Variants in SLC8A1 observed in about 807,000 individuals in gnomAD.
SLC8A1 encodes the protein sodium/calcium exchanger 1.
SLC8A1 carries 18 observed loss-of-function variants against 68.3 expected under a neutral mutation model. The observed-to-expected ratio is 0.26, with a 90% CI of 0.18 to 0.39. The LOEUF is 0.39. Ranked by LOEUF, SLC8A1 falls within the 10% of genes least tolerant of loss-of-function variation. The pLI is 1.00. For synonymous variants in SLC8A1, 475 were observed against 415.5 expected (o/e 1.14, Z -1.74); for missense variants, 985 against 1,156.7 (o/e 0.85, Z 2.15).
intron 2 of SLC8A1, among the ~76,000 whole-genome samples, chr2:40,236,423 C>T (rs899098383): frequency 1.7e-4 from 26 of 152,132 alleles, no homozygotes; most frequent in African/African-American, 5.6e-4. Context: ...GGATTGCAAA[C>T]CCTGCCTTTT....
At chr2:40,373,327 A>G (rs749324536) in intron 2 of SLC8A1, among the ~76,000 whole-genome samples, 1 of 152,108 alleles carries the variant, frequency 6.6e-6, no homozygotes, top group African/African-American at 2.4e-5. Context: ...GCCAGGGTCA[A>G]TCTCAGCAGA....
chr2:40,333,947 C>T (rs1267656638), intron 2 of SLC8A1, among the ~76,000 whole-genome samples: 1 of 152,126 alleles, frequency 6.6e-6, no homozygotes, highest in East Asian at 1.9e-4. Context: ...ACTTGGGAGG[C>T]TGAGGCAGGC....
At chr2:40,375,621 T>A (rs1341013673) in intron 2 of SLC8A1, among the ~76,000 whole-genome samples, 1 of 152,050 alleles carries the variant, frequency 6.6e-6, no homozygotes, top group East Asian at 1.9e-4. Flanking sequence ...AGTCAATTAT[T>A]CTCCTAAAAG....
intron 1 of SLC8A1, among the ~76,000 whole-genome samples, chr2:40,475,388 C>T (rs2149906997): frequency 6.6e-6 from 1 of 152,182 alleles, no homozygotes; most frequent in African/African-American, 2.4e-5. Flanking sequence ...CCGCCTCTGC[C>T]TCCTAAAGTG....
intron 2 of SLC8A1, among the ~76,000 whole-genome samples, chr2:40,228,336 T>G (rs1052010962): frequency 2.2e-4 from 33 of 152,224 alleles, no homozygotes; most frequent in Non-Finnish European, 4.7e-4. Context: ...TTCTTATACT[T>G]AAAGCAGTAT....
intron 2 of SLC8A1, among the ~76,000 whole-genome samples, chr2:40,419,231 G>A (rs1021427863): frequency 6.6e-6 from 1 of 152,156 alleles, no homozygotes; most frequent in Middle Eastern, 3.2e-3. Flanking sequence ...GGATTCCACC[G>A]GCTACTTCTG....
At chr2:40,269,440 C>T (rs2065752003) in intron 2 of SLC8A1, among the ~76,000 whole-genome samples, 1 of 152,142 alleles carries the variant, frequency 6.6e-6, no homozygotes, top group Non-Finnish European at 1.5e-5. Context: ...TAAAAATTCT[C>T]TGAGCAAAGG....
chr2:40,283,000 T>G (rs752240489), intron 2 of SLC8A1, among the ~76,000 whole-genome samples: 1 of 152,202 alleles, frequency 6.6e-6, no homozygotes, highest in Non-Finnish European at 1.5e-5. Context: ...TGATTTTTAT[T>G]AGTTCACCAC....
chr2:40,169,007 C>T (rs2047015063), intron 4 of SLC8A1, among the ~76,000 whole-genome samples: 2 of 152,278 alleles, frequency 1.3e-5, no homozygotes, highest in South Asian at 4.1e-4. Flanking sequence ...CTCCCTTCTC[C>T]TGAGTAATTG....
At chr2:40,277,401 G>C (rs192294524) in intron 2 of SLC8A1, among the ~76,000 whole-genome samples, 3 of 151,972 alleles carry the variant, frequency 2.0e-5, no homozygotes, top group African/African-American at 7.3e-5. Context: ...TTAGCCAGGC[G>C]TGGTGGTGGG....
chr2:40,229,945 A>G (rs2059447281), intron 2 of SLC8A1, among the ~76,000 whole-genome samples: 1 of 152,200 alleles, frequency 6.6e-6, no homozygotes, highest in African/African-American at 2.4e-5. Flanking sequence ...GGAATCACAT[A>G]TCTTTTATGT....
rs1400262804 is a variant in SLC8A1, at chr2:40,469,999, G to A, written c.-24-39695C>T. 3.9e-5 allele frequency among the ~76,000 whole-genome samples: 6 copies of A among 152,158 alleles called. No individual in the cohort carries two copies. The East Asian group carries it at 1.2e-3, about 29-fold the overall frequency. ...TAATTACTTTATCATTATTAACTGG[G>A]ATTTTTAAAATAACTTTCTCTCATC... On this transcript the variant is annotated intron_variant, in intron 1 of 7. Transcript: ENST00000402441.
At chr2:40,349,925 C>A (rs1670528342) in intron 2 of SLC8A1, among the ~76,000 whole-genome samples, 1 of 151,928 alleles carries the variant, frequency 6.6e-6, no homozygotes, top group South Asian at 2.1e-4. Flanking sequence ...GGAATATAAG[C>A]AGTAATATTA....
chr2:40,429,310 C>T (rs764847939), exon 2 of SLC8A1: 25 of 1,613,764 alleles, frequency 1.5e-5, no homozygotes, highest in East Asian at 6.7e-5. Context: ...AGCCATTTCT[C>T]GCCTAGCTTC....
intron 1 of SLC8A1, among the ~76,000 whole-genome samples, chr2:40,437,278 T>C (rs1374145863): frequency 1.3e-5 from 2 of 152,194 alleles, no homozygotes; most frequent in African/African-American, 2.4e-5. Flanking sequence ...TAACCTGCCA[T>C]GCTGCCCCTT....
intron 2 of SLC8A1, among the ~76,000 whole-genome samples, chr2:40,410,167 T>A (rs1691663655): frequency 6.6e-6 from 1 of 152,076 alleles, no homozygotes; most frequent in Non-Finnish European, 1.5e-5. Context: ...AGACAATAAA[T>A]CTTGGAAATG....
intron 4 of SLC8A1, among the ~76,000 whole-genome samples, chr2:40,174,227 A>G (rs1055719460): frequency 1.3e-5 from 2 of 152,054 alleles, no homozygotes; most frequent in African/African-American, 4.8e-5. Context: ...ATATATTTAC[A>G]TACATAATTT....
At chr2:40,480,798 A>C (rs1279886552) in intron 1 of SLC8A1, among the ~76,000 whole-genome samples, 1 of 152,106 alleles carries the variant, frequency 6.6e-6, no homozygotes, top group African/African-American at 2.4e-5. Flanking sequence ...AATCTGCTAC[A>C]AGATGAAGAC....
chr2:40,409,892 A>G (rs1691556431), intron 2 of SLC8A1, among the ~76,000 whole-genome samples: 1 of 152,076 alleles, frequency 6.6e-6, no homozygotes, highest in African/African-American at 2.4e-5. Flanking sequence ...CTGAAAACTT[A>G]TCAGTGGTGC....
Sources: allele counts gnomAD v4.1 joint callset (sites outside exome capture counted in the v4.1 genomes callset), GRCh38; gene constraint gnomAD v4.1.1; transcripts MANE v1.5; gene names NCBI Gene and HGNC (gene_info 2026-07-23, HGNC 2026-07-21).